THSD4: variants seen among roughly 807,000 people sequenced by gnomAD.
The protein encoded by THSD4 is thrombospondin type-1 domain-containing protein 4.
A neutral mutation model predicts 119.0 loss-of-function variants in THSD4; 69 were observed. The ratio of observed to expected loss-of-function variants is 0.58; its 90% CI spans 0.48 to 0.71. The LOEUF is 0.71. Among genes scored for constraint, THSD4 ranks in the 30% least tolerant of loss-of-function variants. The pLI, the probability that THSD4 is intolerant of heterozygous loss-of-function variation, is 0.00. For missense variants in THSD4, 1,393 were observed against 1,391.1 expected, an observed-to-expected ratio of 1.00 and a Z score of -0.02; for synonymous variants, 524 against 540.4, an observed-to-expected ratio of 0.97 and a Z score of 0.42.
chr15:71,573,079 CA>C (rs2049387838), intron 7 of THSD4, among the ~76,000 whole-genome samples: 1 of 152,138 alleles, frequency 6.6e-6, no homozygotes, highest in African/African-American at 2.4e-5. Flanking sequence ...GCTTGGCAGA[CA>C]TGCACTTTGG....
At chr15:71,537,707 A>G (rs1370132078) in intron 7 of THSD4, among the ~76,000 whole-genome samples, 1 of 152,080 alleles carries the variant, frequency 6.6e-6, no homozygotes, top group African/African-American at 2.4e-5. Context: ...CAGTAAATGG[A>G]CAAGTGAAAT....
chr15:71,581,331 G>A (rs570934637), intron 7 of THSD4, among the ~76,000 whole-genome samples: 12 of 152,198 alleles, frequency 7.9e-5, no homozygotes, highest in African/African-American at 2.6e-4. Flanking sequence ...ATCTTTTAAT[G>A]TACCTGTTGG....
chr15:71,732,248 T>A (rs770338774), intron 10 of THSD4: 2 of 152,266 alleles, frequency 1.3e-5, no homozygotes, highest in Non-Finnish European at 2.9e-5. Context: ...CCATTATCTG[T>A]CTACTATATG....
intron 7 of THSD4, among the ~76,000 whole-genome samples, chr15:71,501,872 T>C (rs534020752): frequency 7.2e-5 from 11 of 152,314 alleles, no homozygotes; most frequent in African/African-American, 2.6e-4. Flanking sequence ...GACTTCTCTT[T>C]CCCATCTCTG....
chr15:71,660,574 C>A lies in THSD4; in HGVS notation c.1197C>A (p.Asp399Glu). Reference sequence around the variant, plus strand: ...ACTTAGGCTCCGACAAAGTCGTGGACAAATGTGGGGTGTGTGGAGGAGACA... The same window carrying A: ...ACTTAGGCTCCGACAAAGTCGTGGAAAAATGTGGGGTGTGTGGAGGAGACA... ...DDYLGSDKVV[D>E]KCGVCGGDNT... The change falls in exon 8 of 18, where the codon GAC becomes GAA. Residue 399 changes from aspartate to glutamate, a missense_variant. Asp to Glu is a conservative substitution (Grantham distance 45). Coordinates refer to ENST00000261862, the MANE Select transcript of THSD4 (RefSeq NM_024817.3). 2 of 1,614,152 alleles carry A rather than the reference C, an allele frequency of 1.2e-6. No individual in the cohort carries two copies. The highest frequency in any genetic ancestry group is 1.7e-6 in the Non-Finnish European group (2 of 1,180,028).
intron 6 of THSD4, among the ~76,000 whole-genome samples, chr15:71,260,139 A>G (rs766620156): frequency 1.3e-5 from 2 of 152,214 alleles, no homozygotes; most frequent in Non-Finnish European, 2.9e-5. Flanking sequence ...TATGCAAACC[A>G]CAAAGAAAAC....
chr15:71,308,740 C>T (rs1458457222), intron 6 of THSD4, among the ~76,000 whole-genome samples: 1 of 152,112 alleles, frequency 6.6e-6, no homozygotes, highest in Admixed American at 6.5e-5. Flanking sequence ...TATCGTGTGG[C>T]CTTGGGTATA....
chr15:71,728,244 T>A (rs1244820312), intron 8 of THSD4, among the ~76,000 whole-genome samples: 1 of 152,186 alleles, frequency 6.6e-6, no homozygotes, highest in African/African-American at 2.4e-5. Flanking sequence ...CCCTTTTTTC[T>A]CTTCCTCCTC....
intron 7 of THSD4, among the ~76,000 whole-genome samples, chr15:71,563,006 A>G (rs1008963741): frequency 3.9e-5 from 6 of 152,130 alleles, no homozygotes; most frequent in Admixed American, 6.5e-5. Flanking sequence ...TGTATATTCT[A>G]TAACATCAAG....
At chr15:71,632,466 A>G (rs1355158156) in intron 7 of THSD4, among the ~76,000 whole-genome samples, 5 of 152,242 alleles carry the variant, frequency 3.3e-5, no homozygotes, top group African/African-American at 7.2e-5. Flanking sequence ...CAAAAGCCCT[A>G]TGGCCAGAAC....
At chr15:71,261,478 T>C (rs1044117999) in intron 6 of THSD4, among the ~76,000 whole-genome samples, 1 of 152,216 alleles carries the variant, frequency 6.6e-6, no homozygotes, top group Non-Finnish European at 1.5e-5. Context: ...GTTTGTGTGA[T>C]ATATTACATC....
chr15:71,279,498 A>G (rs1284179180), intron 6 of THSD4, among the ~76,000 whole-genome samples: 1 of 152,232 alleles, frequency 6.6e-6, no homozygotes, highest in Non-Finnish European at 1.5e-5. Flanking sequence ...TTAGGATGCG[A>G]AGGAGTAGAA....
intron 8 of THSD4, among the ~76,000 whole-genome samples, chr15:71,704,109 A>G (rs1305184064): frequency 1.3e-5 from 2 of 152,150 alleles, no homozygotes; most frequent in East Asian, 3.8e-4. Flanking sequence ...TGGCCTCCCA[A>G]AGTGCTGGGA....
intron 14 of THSD4, among the ~76,000 whole-genome samples, chr15:71,751,133 T>G (rs1441585302): frequency 5.3e-5 from 8 of 152,228 alleles, no homozygotes; most frequent in African/African-American, 1.7e-4. Flanking sequence ...GGGAACCCCT[T>G]CCACTTTCTC....
At chr15:71,135,485 C>A (rs1301227622) in intron 1 of THSD4, among the ~76,000 whole-genome samples, 1 of 151,606 alleles carries the variant, frequency 6.6e-6, no homozygotes, top group Non-Finnish European at 1.5e-5. Flanking sequence ...GATCTCCTCT[C>A]TTTCAACTTC....
At chr15:71,466,224 A>T (rs2047497668) in intron 7 of THSD4, among the ~76,000 whole-genome samples, 1 of 151,954 alleles carries the variant, frequency 6.6e-6, no homozygotes, top group South Asian at 2.1e-4. Flanking sequence ...TGGTAGCTGT[A>T]GTCCCAGCTA....
intron 6 of THSD4, among the ~76,000 whole-genome samples, chr15:71,405,429 G>C (rs1211324680): frequency 6.6e-6 from 1 of 152,190 alleles, no homozygotes; most frequent in African/African-American, 2.4e-5. Context: ...TTATCCCACT[G>C]TCATTTGTTG....
At chr15:71,718,433 C>T (rs1170879942) in intron 8 of THSD4, among the ~76,000 whole-genome samples, 2 of 152,142 alleles carry the variant, frequency 1.3e-5, no homozygotes, top group Non-Finnish European at 2.9e-5. Context: ...TGGTTCTGTC[C>T]ATGGGCTGGG....
intron 7 of THSD4, among the ~76,000 whole-genome samples, chr15:71,537,363 G>T (rs2048700817): frequency 6.6e-6 from 1 of 152,032 alleles, no homozygotes; most frequent in African/African-American, 2.4e-5. Flanking sequence ...TTAAGAGAAA[G>T]AAAAAATCTC....
Sources: gnomAD v4.1 joint callset for allele counts (sites outside exome capture counted in the v4.1 genomes callset) on GRCh38, gnomAD v4.1.1 for gene constraint, MANE v1.5 for transcripts, NCBI Gene and HGNC (gene_info 2026-07-23, HGNC 2026-07-21) for gene names.